CTDNEP1: variants seen among roughly 807,000 people sequenced by gnomAD.
The protein encoded by CTDNEP1 is CTD nuclear envelope phosphatase 1.
In CTDNEP1, 3 loss-of-function variants were observed where a neutral mutation model predicts 30.1. The observed-to-expected ratio is 0.10, with a 90% CI of 0.05 to 0.26. CTDNEP1 has a LOEUF of 0.26. Ranked by LOEUF, CTDNEP1 falls within the 10% of genes least tolerant of loss-of-function variation. The pLI is 1.00. For missense variants in CTDNEP1, 158 were observed against 310.4 expected (o/e 0.51, Z 3.69); for synonymous variants, 123 against 118.8 (o/e 1.04, Z -0.23).
At position 7,244,024 on chromosome 17, in the gene CTDNEP1, T is replaced by C; in HGVS notation, c.*161A>G. ...TCAGAGCCCCTGGCCCATGTGTCCA[T>C]CCAGACTCCAAGTGGAGTGTAGGGC... is the stretch of plus-strand genomic sequence containing the variant. On this transcript the variant is annotated 3_prime_UTR_variant, in exon 8 of 8. Coordinates refer to ENST00000574322, the MANE Select transcript of CTDNEP1 (RefSeq NM_001143775.2). 7.1e-7 allele frequency: 1 copy of C among 1,414,584 alleles called. No homozygotes were observed. The highest frequency in any genetic ancestry group is 9.2e-7 in the Non-Finnish European group (1 of 1,081,296). 87.6% of individuals were successfully genotyped at this position (1,414,584 alleles called of 1,614,324 possible). A position where few individuals can be genotyped will look rare whatever the true frequency, so the allele number is the denominator to read the frequency against.
intron 1 of CTDNEP1, among the ~76,000 whole-genome samples, chr17:7,248,426 C>T (rs909909160): frequency 1.4e-5 from 2 of 144,260 alleles, no homozygotes; most frequent in African/African-American, 5.2e-5. Flanking sequence ...GTGGCGCGAT[C>T]TCAGCTCACT....
In CTDNEP1 at chr17:7,246,997, G is replaced by C. The variant is rs1286993170; in HGVS notation, c.288+67C>G. On this transcript the variant is annotated intron_variant, in intron 3 of 7. Coordinates refer to ENST00000574322, the MANE Select transcript of CTDNEP1 (RefSeq NM_001143775.2). This position sits in a 1 kb window ranked among gnomAD's most constrained non-coding sequence, Gnocchi z 4.9. The stretch of plus-strand genomic sequence containing the variant: ...ATGGAGACAGATGCTCTGGGACTGG[G>C]AAAGGGAGTCCAGGTTTGGGCAGAG... 1 of 1,432,382 alleles carries C rather than the reference G, an allele frequency of 7.0e-7. No individual in the cohort carries two copies. The highest frequency in any genetic ancestry group is 2.3e-5 in the East Asian group (1 of 43,940). 88.7% of individuals were successfully genotyped at this position (1,432,382 alleles called of 1,614,324 possible).
chr17:7,247,377 G>C, intron 1 of CTDNEP1, 34 bp from the exon 2 acceptor site: 1 of 1,566,318 alleles, frequency 6.4e-7, no homozygotes, highest in Non-Finnish European at 8.8e-7. Context: ...TGAAACCCTT[G>C]ATAAGGAAGC....
At chr17:7,248,343 A>T (rs1383450163) in intron 1 of CTDNEP1, among the ~76,000 whole-genome samples, 1 of 148,100 alleles carries the variant, frequency 6.8e-6, no homozygotes, top group Non-Finnish European at 1.5e-5. Context: ...CAACCCAAGA[A>T]CGTGCCCTCT....
At chr17:7,247,436 G>C (rs1010314060) in intron 1 of CTDNEP1, 93 bp from the exon 2 acceptor site, 2 of 924,166 alleles carry the variant, frequency 2.2e-6, no homozygotes, top group African/African-American at 1.6e-5. Flanking sequence ...TTTACCACAG[G>C]TACTATGTAT....
intron 1 of CTDNEP1, among the ~76,000 whole-genome samples, chr17:7,249,132 C>T (rs1567588084): frequency 6.6e-6 from 1 of 152,220 alleles, no homozygotes; most frequent in Admixed American, 6.5e-5. Context: ...TCATCCAGCT[C>T]TGCTTCTCCA....
chr17:7,251,143 TC>T, intron 1 of CTDNEP1, 51 bp downstream of exon 1: 3 of 1,332,256 alleles, frequency 2.3e-6, no homozygotes, highest in Admixed American at 2.1e-5. Flanking sequence ...CGGACAGATG[TC>T]CCCAACACCG....
Position 7,251,535 on chromosome 17 carries a change from T to G in CTDNEP1, c.-239A>C, listed in dbSNP as rs1597577784. On this transcript the variant is annotated 5_prime_UTR_variant, in exon 1 of 8. Coordinates refer to ENST00000574322, the MANE Select transcript of CTDNEP1 (RefSeq NM_001143775.2). ...CGCGGGGGCCCACATGGGCTGGGAG[T>G]GGCACCGACGGCTTCGGGGAGGTTG... 4.2e-6 allele frequency: 1 copy of G among 237,812 alleles called. No individual in the cohort carries two copies. Among genetic ancestry groups the G allele is most frequent in the Non-Finnish European group, 7.4e-6 (1 of 135,348 alleles). The allele number at this position is 237,812 out of a possible 1,614,324, so 14.7% of individuals were successfully genotyped here.
At position 7,244,183 on chromosome 17, in the gene CTDNEP1, T is replaced by C. The variant is rs749273308; in HGVS notation, c.*2A>G. On this transcript the variant is annotated 3_prime_UTR_variant, in exon 8 of 8. Coordinates refer to ENST00000574322, the MANE Select transcript of CTDNEP1 (RefSeq NM_001143775.2). ...CCAACTCAGGTGGAGGGGGAGCAGCTGTCACCAGAGCCGATGTTGGTGAAG... is the reference window on the plus strand; with the variant it reads ...CCAACTCAGGTGGAGGGGGAGCAGCCGTCACCAGAGCCGATGTTGGTGAAG... 2 of 1,613,888 alleles carry C rather than the reference T, an allele frequency of 1.2e-6. No individual in the cohort carries two copies. Among genetic ancestry groups the C allele is most frequent in the Non-Finnish European group, 1.7e-6 (2 of 1,179,994 alleles).
In CTDNEP1 at chr17:7,246,802, A is replaced by G; in HGVS notation, c.349T>C (p.Phe117Leu). The G allele has an allele frequency of 6.2e-7, 1 of 1,613,942 alleles. No homozygotes were observed. ...TCTCCAAAACTCACCACTTCCAGGAAGAAATCCACATGGGGCCTCTTATGT... is the reference window on the plus strand; with the variant it reads ...TCTCCAAAACTCACCACTTCCAGGAGGAAATCCACATGGGGCCTCTTATGT... ...FVHKRPHVDF[F>L]LEVVSQWYEL... The change falls in exon 4 of 8, where the codon TTC becomes CTC. Residue 117 changes from phenylalanine to leucine, a missense_variant. By Grantham distance (22) the Phe-to-Leu change is conservative (BLOSUM62 0). This residue lies in a region of CTDNEP1 where 96 missense variants were observed against 229.1 expected (regional missense o/e 0.42). Coordinates refer to ENST00000574322, the MANE Select transcript of CTDNEP1 (RefSeq NM_001143775.2). The surrounding 1 kb of genome is among the most constrained non-coding windows in gnomAD (Gnocchi z 4.9).
rs563551060 is a variant in CTDNEP1, at chr17:7,251,595, C to T, written c.-299G>A. On this transcript the variant is annotated 5_prime_UTR_variant, in exon 1 of 8. Coordinates refer to ENST00000574322, the MANE Select transcript of CTDNEP1 (RefSeq NM_001143775.2). ...ACAGGTAGGGCTAGGATGGGGTCCT[C>T]CGAGACCTGGAGGGAAGGGGAAGGA... 4.0e-4 allele frequency: 87 copies of T among 217,552 alleles called. 1 individual carries two copies. The South Asian group carries it at 6.2e-3, about 16-fold the overall frequency. 13.5% of individuals were successfully genotyped at this position (217,552 alleles called of 1,614,324 possible).
Position 7,246,705 on chromosome 17 carries a change from C to CACCCCTT in CTDNEP1, c.360+79_360+85dup. 8.3e-7 allele frequency: 1 copy of CACCCCTT among 1,209,360 alleles called. No individual in the cohort carries two copies. The highest frequency in any genetic ancestry group is 2.3e-5 in the East Asian group (1 of 43,056). The allele number at this position is 1,209,360 out of a possible 1,614,324, so 74.9% of individuals were successfully genotyped here. ...AAAACTGCTCTAACCCGTTTCTCCT[C>CACCCCTT]ACCCCTTCCTCCAAATCCTCCCAAT... On this transcript the variant is annotated intron_variant, in intron 4 of 7. Transcript: ENST00000574322. This position sits in a 1 kb window ranked among gnomAD's most constrained non-coding sequence, Gnocchi z 4.9.
Position 7,243,913 on chromosome 17 carries a change from A to T in CTDNEP1, c.*272T>A, listed in dbSNP as rs1597571958. The T allele has an allele frequency of 2.3e-6, 3 of 1,305,946 alleles. No individual in the cohort carries two copies. Among genetic ancestry groups the T allele is most frequent in the African/African-American group, 1.5e-5 (1 of 67,156 alleles). The allele number at this position is 1,305,946 out of a possible 1,614,324, so 80.9% of individuals were successfully genotyped here. A position where few individuals can be genotyped will look rare whatever the true frequency, so the allele number is the denominator to read the frequency against. ...TGGCCAGTCCTGCCTCTTCACAAAC[A>T]CTGATTCGGCTCTCCTAGGCTTCCG... On this transcript the variant is annotated 3_prime_UTR_variant, in exon 8 of 8. Coordinates refer to ENST00000574322, the MANE Select transcript of CTDNEP1 (RefSeq NM_001143775.2).
Position 7,246,392 on chromosome 17 carries a change from G to A in CTDNEP1, c.361-22C>T, listed in dbSNP as rs746230248. 8 of 1,533,024 alleles carry A rather than the reference G, an allele frequency of 5.2e-6. No homozygotes were observed. In the Admixed American group the frequency reaches 6.7e-5, roughly 13 times the overall value. 95.0% of individuals were successfully genotyped at this position (1,533,024 alleles called of 1,614,324 possible). On this transcript the variant is annotated intron_variant, in intron 4 of 7. Transcript: ENST00000574322. This position sits in a 1 kb window ranked among gnomAD's most constrained non-coding sequence, Gnocchi z 4.9. ...TCACCTGAAATAGATTGGGGGAGAGGGCGATGCCATACAAGGTGATGATTC... is the reference window on the plus strand; with the variant it reads ...TCACCTGAAATAGATTGGGGGAGAGAGCGATGCCATACAAGGTGATGATTC...
In CTDNEP1 at chr17:7,244,154, C is replaced by T. The variant is rs779755424; in HGVS notation, c.*31G>A. 18 of 1,613,228 alleles carry T rather than the reference C, an allele frequency of 1.1e-5. No homozygotes were observed. Among genetic ancestry groups the T allele is most frequent in the East Asian group, 2.2e-5 (1 of 44,866 alleles). On this transcript the variant is annotated 3_prime_UTR_variant, in exon 8 of 8. Coordinates refer to ENST00000574322, the MANE Select transcript of CTDNEP1 (RefSeq NM_001143775.2). ...AAGGGCTCGCCCTCCCTTTCCCCCC[C>T]ACCCCAACTCAGGTGGAGGGGGAGC...
In CTDNEP1 at chr17:7,246,265, A is replaced by G; in HGVS notation, c.466T>C (p.Tyr156His). Residue 156 changes from tyrosine (Y) to histidine (H), a missense_variant, in exon 5 of 8, where the codon TAT becomes CAT. Physicochemically the swap from Tyr to His is moderately conservative, Grantham distance 83 (BLOSUM62 2). Around this residue, in one of 2 missense-constraint regions of CTDNEP1, gnomAD observed 96 missense variants for 229.1 expected, o/e 0.42. Coordinates refer to ENST00000574322, the MANE Select transcript of CTDNEP1 (RefSeq NM_001143775.2). This position sits in a 1 kb window ranked among gnomAD's most constrained non-coding sequence, Gnocchi z 4.9. ...DNSRSILKRR[Y>H]YRQHCTLELG... ...GGATTCTAGCTTACCTGTCTGTAAT[A>G]TCTCCTCTTAAGAATGCTTCTGCTA... 1 of 1,611,552 alleles carries G rather than the reference A, an allele frequency of 6.2e-7. No homozygotes were observed. The highest frequency in any genetic ancestry group is 8.5e-7 in the Non-Finnish European group (1 of 1,177,732).
Position 7,251,351 on chromosome 17 carries a change from C to A in CTDNEP1, c.-55G>T. On this transcript the variant is annotated 5_prime_UTR_variant, in exon 1 of 8. Transcript: ENST00000574322. The stretch of plus-strand genomic sequence containing the variant: ...GGCCCCCGCGGCCCAGCTCCGCCAG[C>A]CCCCCGGGGGCAGCCCCCCGCCGCC... The A allele has an allele frequency of 1.6e-6, 2 of 1,246,588 alleles. No homozygotes were observed. The highest frequency in any genetic ancestry group is 2.0e-5 in the South Asian group (1 of 50,574). 77.2% of individuals were successfully genotyped at this position (1,246,588 alleles called of 1,614,324 possible).
rs1201648366 is a variant in CTDNEP1 at position 7,246,197 on chromosome 17, T to A, written c.477+57A>T. The A allele has an allele frequency of 7.6e-6, 12 of 1,578,930 alleles. No individual in the cohort carries two copies. On this transcript the variant is annotated intron_variant, in intron 5 of 7. Transcript: ENST00000574322. The surrounding 1 kb of genome is among the most constrained non-coding windows in gnomAD (Gnocchi z 4.9). ...CCAGGATACTCTCCTCAAACCCAGA[T>A]CCCTCCCTGGTGGCCTCCCTCCCAA...
At chr17:7,245,822 A>T (rs984278682) in intron 6 of CTDNEP1, among the ~76,000 whole-genome samples, 2 of 152,166 alleles carry the variant, frequency 1.3e-5, no homozygotes, top group Non-Finnish European at 2.9e-5. Context: ...AAAATGAAAA[A>T]AATGATATAA....
Sources: gnomAD v4.1 joint callset for allele counts (sites outside exome capture counted in the v4.1 genomes callset) on GRCh38, gnomAD v4.1.1 for gene constraint, gnomAD v4.1.1 regional missense constraint, Gnocchi (gnomAD v3.1) non-coding constraint, MANE v1.5 for transcripts, NCBI Gene and HGNC (gene_info 2026-07-23, HGNC 2026-07-21) for gene names.